The following MTERF3 variants were observed in gnomAD, a reference collection of about 807,000 sequenced individuals.
MTERF3 encodes the protein transcription termination factor 3, mitochondrial.
In MTERF3, 40 loss-of-function variants were observed where a neutral mutation model predicts 40.5. That is an observed-to-expected ratio of 0.99 (90% confidence interval 0.77 to 1.29). The LOEUF (loss-of-function observed/expected upper bound fraction) is 1.29, where lower values mean the gene tolerates loss of function less well. MTERF3 is among the 50% of genes most tolerant of loss of function. The pLI is 0.00. For missense variants in MTERF3, 452 were observed against 478.2 expected, an observed-to-expected ratio of 0.95 and a Z score of 0.51; for synonymous variants, 158 against 166.6, an observed-to-expected ratio of 0.95 and a Z score of 0.40.
At chr8:96,244,733 T>G (rs2129881169) in intron 6 of MTERF3, among the ~76,000 whole-genome samples, 1 of 152,246 alleles carries the variant, frequency 6.6e-6, no homozygotes, top group South Asian at 2.1e-4. Context: ...ATTTTAAAAT[T>G]TGGAGACAGC....
intron 6 of MTERF3, among the ~76,000 whole-genome samples, chr8:96,244,692 C>T (rs1263025417): frequency 6.6e-6 from 1 of 152,230 alleles, no homozygotes; most frequent in African/African-American, 2.4e-5. Context: ...GCCACCACGC[C>T]TGACCATGAT....
chr8:96,242,970 C>G (rs1356743771), intron 7 of MTERF3, among the ~76,000 whole-genome samples: 1 of 152,072 alleles, frequency 6.6e-6, no homozygotes, highest in Admixed American at 6.5e-5. Context: ...CTCCATGAGC[C>G]AAATTCACAA....
chr8:96,259,233 T>C (rs1489749463), intron 1 of MTERF3, among the ~76,000 whole-genome samples: 1 of 152,242 alleles, frequency 6.6e-6, no homozygotes, highest in Admixed American at 6.5e-5. Context: ...CAAAATATTA[T>C]CATTGATATA....
chr8:96,248,691 A>G (rs1304192152), intron 4 of MTERF3, among the ~76,000 whole-genome samples: 3 of 152,196 alleles, frequency 2.0e-5, no homozygotes, highest in East Asian at 3.9e-4. Flanking sequence ...GATTTTTCCA[A>G]TAAAAAATCA....
rs2280262 is a variant in MTERF3 at position 96,261,601 on chromosome 8, C to A, written c.-111G>T. 2 of 154,934 alleles carry A rather than the reference C, an allele frequency of 1.3e-5. No individual in the cohort carries two copies. The highest frequency in any genetic ancestry group is 3.8e-4 in the East Asian group (2 of 5,210). 9.6% of individuals were successfully genotyped at this position (154,934 alleles called of 1,614,324 possible). A position where few individuals can be genotyped will look rare whatever the true frequency, so the allele number is the denominator to read the frequency against. ...CGCGCCGCACGCCGGCTCCTCAGCCCGCCCTACACAGCGCAGCCGCGCTCC... is the reference window on the plus strand; with the variant it reads ...CGCGCCGCACGCCGGCTCCTCAGCCAGCCCTACACAGCGCAGCCGCGCTCC... On this transcript the variant is annotated 5_prime_UTR_variant, in exon 1 of 8. Coordinates refer to ENST00000287025, the MANE Select transcript of MTERF3 (RefSeq NM_015942.5).
intron 3 of MTERF3, among the ~76,000 whole-genome samples, chr8:96,253,898 C>T (rs1000631169): frequency 2.6e-5 from 4 of 151,538 alleles, no homozygotes; most frequent in African/African-American, 4.9e-5. Flanking sequence ...GTCCCAGCTA[C>T]TTGCGGGGCT....
chr8:96,246,065 G>A lies in MTERF3; in HGVS notation c.826-134C>T, dbSNP rs1810015374. On this transcript the variant is annotated intron_variant, in intron 5 of 7. Transcript: ENST00000287025. ...ATCAGAAAAATGATAGGAACCCCAG[G>A]AATAGATAAGATTAATACTGTTTGG... The A allele has an allele frequency of 3.5e-6, 3 of 856,922 alleles. No individual in the cohort carries two copies. In the East Asian group the frequency reaches 8.0e-5, roughly 23 times the overall value. The allele number at this position is 856,922 out of a possible 1,614,324, so 53.1% of individuals were successfully genotyped here. A position where few individuals can be genotyped will look rare whatever the true frequency, so the allele number is the denominator to read the frequency against.
chr8:96,258,322 G>A (rs753032047), intron 2 of MTERF3, 35 bp downstream of exon 2: 12 of 1,556,688 alleles, frequency 7.7e-6, no homozygotes, highest in Non-Finnish European at 1.0e-5. Flanking sequence ...GGCCAAAGTA[G>A]GGAAAGGGAG....
In MTERF3 at chr8:96,258,345, G is replaced by A; in HGVS notation, c.334+12C>T. On this transcript the variant is annotated intron_variant, in intron 2 of 7. Transcript: ENST00000287025. ...TAGGGAAAGGGAGACTTTTCTGAAAGTTCAGAATTACCTTCTAGAAACAGC... is the reference window on the plus strand; with the variant it reads ...TAGGGAAAGGGAGACTTTTCTGAAAATTCAGAATTACCTTCTAGAAACAGC... 6.3e-7 allele frequency: 1 copy of A among 1,591,092 alleles called. No homozygotes were observed.
intron 4 of MTERF3, among the ~76,000 whole-genome samples, chr8:96,247,955 T>A (rs1367639871): frequency 1.3e-5 from 2 of 152,122 alleles, no homozygotes; most frequent in East Asian, 3.8e-4. Flanking sequence ...AAACAGAAAT[T>A]CAACATATGA....
In MTERF3 at chr8:96,250,665, GAAGAAGAAGA is replaced by G. The variant is rs1563548951; in HGVS notation, c.677+231_677+240del. Among the ~76,000 whole-genome samples, 68 of 37,730 alleles carry G rather than the reference GAAGAAGAAGA, an allele frequency of 1.8e-3. 1 individual carries two copies. Among genetic ancestry groups the G allele is most frequent in the African/African-American group, 7.2e-3 (67 of 9,288 alleles). 24.8% of individuals were successfully genotyped at this position (37,730 alleles called of 152,430 possible). ...AGAAGAAGAAGAAGAAGAAGAAGAA[GAAGAAGAAGA>G]AGAAGAAGGAGGAGGAGGAGGGGGG... On this transcript the variant is annotated intron_variant, in intron 4 of 7. Transcript: ENST00000287025.
Position 96,244,016 on chromosome 8 carries a change from T to G in MTERF3, c.962A>C (p.Lys321Thr). ...TTTCATTTTATTTGCAGTTAACATC[T>G]TTGGGATTCTGGTGATCATATGTTG... ...EIQHMITRIP[K>T]MLTANKMKLT... is the part of the protein sequence containing the mutation. The change falls in exon 7 of 8, where the codon AAG (lysine) becomes ACG (threonine). Residue 321 changes from lysine (K) to threonine (T), a missense_variant. Transcript: ENST00000287025. The G allele has an allele frequency of 6.2e-7, 1 of 1,613,952 alleles. No individual in the cohort carries two copies. The highest frequency in any genetic ancestry group is 8.5e-7 in the Non-Finnish European group (1 of 1,179,802).
At chr8:96,261,183 G>A (rs7008221) in intron 1 of MTERF3, among the ~76,000 whole-genome samples, 5,651 of 152,288 alleles carry the variant, frequency 0.037, 357 homozygotes, top group African/African-American at 0.13. Flanking sequence ...GGAGAGAAAG[G>A]GAGGTTATGG....
intron 7 of MTERF3, among the ~76,000 whole-genome samples, chr8:96,242,162 C>T (rs1360474927): frequency 6.6e-6 from 1 of 152,110 alleles, no homozygotes; most frequent in African/African-American, 2.4e-5. Context: ...CCTTACTGTC[C>T]GTTAATGTAT....
At chr8:96,250,074 A>AT (rs1380559879) in intron 4 of MTERF3, among the ~76,000 whole-genome samples, 2 of 152,172 alleles carry the variant, frequency 1.3e-5, no homozygotes, top group Admixed American at 1.3e-4. Context: ...ATCTCACTGT[A>AT]TTTATTTTCA....
At chr8:96,250,556 CA>C (rs1218422300) in intron 4 of MTERF3, among the ~76,000 whole-genome samples, 3 of 143,394 alleles carry the variant, frequency 2.1e-5, no homozygotes, top group South Asian at 4.6e-4. Flanking sequence ...CCTAAAAATA[CA>C]AAAATTAGCC....
rs1264794655 is a variant in MTERF3, at chr8:96,250,629, GAAGA to G, written c.677+273_677+276del. Among the ~76,000 whole-genome samples the G allele has an allele frequency of 7.6e-4, 13 of 17,114 alleles. 1 individual carries two copies. The highest frequency in any genetic ancestry group is 2.8e-3 in the African/African-American group (10 of 3,536). 11.2% of individuals were successfully genotyped at this position (17,114 alleles called of 152,430 possible). A position where few individuals can be genotyped will look rare whatever the true frequency, so the allele number is the denominator to read the frequency against. On this transcript the variant is annotated intron_variant, in intron 4 of 7. Coordinates refer to ENST00000287025, the MANE Select transcript of MTERF3 (RefSeq NM_015942.5). ...GGAGGCTGAGGCAGAAGAAGAAGAA[GAAGA>G]AGAAGAAGAAGAAGAAGAAGAAGAA...
At chr8:96,258,840 A>ATTG in intron 1 of MTERF3, 140 bp from the exon 2 acceptor site, 2 of 634,280 alleles carry the variant, frequency 3.2e-6, no homozygotes, top group Non-Finnish European at 5.1e-6. Flanking sequence ...ATTTAGTCTA[A>ATTG]AATAGTGAGA....
chr8:96,260,179 G>C (rs917650229), intron 1 of MTERF3: 8 of 152,222 alleles, frequency 5.3e-5, no homozygotes, highest in Non-Finnish European at 4.4e-5. Context: ...GGGATTACAG[G>C]CGTGAGCCAC....
Sources: allele counts gnomAD v4.1 joint callset (sites outside exome capture counted in the v4.1 genomes callset), GRCh38; gene constraint gnomAD v4.1.1; transcripts MANE v1.5; gene names NCBI Gene and HGNC (gene_info 2026-07-23, HGNC 2026-07-21).